Variants in IL1RAPL1 observed in about 807,000 individuals in gnomAD.
The protein encoded by IL1RAPL1 is interleukin 1 receptor accessory protein like 1.
Under a neutral mutation model 48.4 loss-of-function variants are expected in IL1RAPL1, and 3 were observed. The observed-to-expected ratio is 0.06, with a 90% CI of 0.03 to 0.16. The LOEUF (loss-of-function observed/expected upper bound fraction) is 0.16, where lower values mean the gene tolerates loss of function less well. IL1RAPL1 is among the 10% of genes least tolerant of loss of function. IL1RAPL1 has a pLI of 1.00. For synonymous variants in IL1RAPL1, 185 were observed against 187.7 expected (o/e 0.99, Z 0.12); for missense variants, 349 against 530.6 (o/e 0.66, Z 3.36).
At chrX:29,111,659 G>A (rs942295416) in intron 2 of IL1RAPL1, among the ~76,000 whole-genome samples, 1 of 111,341 alleles carries the variant, frequency 9.0e-6, no homozygotes, top group African/African-American at 3.3e-5. Context: ...AAACTTCAAG[G>A]CGATGCCATA....
chrX:29,274,008 A>G (rs1232444197), intron 2 of IL1RAPL1, among the ~76,000 whole-genome samples: 1 of 112,091 alleles, frequency 8.9e-6, no homozygotes, highest in Non-Finnish European at 1.9e-5. Flanking sequence ...GCTGGAAAAA[A>G]AACACATGCA....
Position 29,803,407 on chromosome X carries a change from GTA to G in IL1RAPL1, c.779-114053_779-114052del, listed in dbSNP as rs149695574. 4.6e-4 allele frequency among the ~76,000 whole-genome samples: 37 copies of G among 81,047 alleles called. 1 individual carries two copies. Among genetic ancestry groups the G allele is most frequent in the Admixed American group, 6.6e-4 (5 of 7,592 alleles). The allele number at this position is 81,047 out of a possible 115,157, so 70.4% of individuals were successfully genotyped here. On this transcript the variant is annotated intron_variant, in intron 6 of 10. Transcript: ENST00000378993. ...CATGTATACACATATGTATATATGT[GTA>G]TATGTGTATATGTGTATATATGTAT...
At chrX:28,776,662 GTCA>G (rs1208420527) in intron 1 of IL1RAPL1, among the ~76,000 whole-genome samples, 1 of 111,462 alleles carries the variant, frequency 9.0e-6, no homozygotes, top group African/African-American at 3.3e-5. Flanking sequence ...TTAAATTATT[GTCA>G]GTAGAAAACA....
At chrX:28,737,163 TTCCTTCCTTCCTTC>T (rs1569161810) in intron 1 of IL1RAPL1, among the ~76,000 whole-genome samples, 2,804 of 81,909 alleles carry the variant, frequency 0.034, 114 homozygotes, top group South Asian at 0.044. Flanking sequence ...CCTTCCTTCC[TTCCTTCCTTCCTTC>T]CTTTCTTTCC....
chrX:29,913,255 A>C (rs1215608403), intron 6 of IL1RAPL1, among the ~76,000 whole-genome samples: 3 of 110,137 alleles, frequency 2.7e-5, no homozygotes, highest in Non-Finnish European at 5.7e-5. Context: ...TAGCCGCACA[A>C]ATTTGTACAA....
intron 1 of IL1RAPL1, among the ~76,000 whole-genome samples, chrX:28,727,613 A>C (rs1375718861): frequency 1.9e-5 from 2 of 104,563 alleles, no homozygotes; most frequent in African/African-American, 7.0e-5. Flanking sequence ...GTCTTGTGCC[A>C]GTTTTCAGAG....
intron 3 of IL1RAPL1, among the ~76,000 whole-genome samples, chrX:29,396,019 T>C (rs1933915487): frequency 8.9e-6 from 1 of 112,585 alleles, no homozygotes; most frequent in African/African-American, 3.2e-5. Flanking sequence ...TTAACCTGAA[T>C]GTAAAACAAA....
intron 2 of IL1RAPL1, among the ~76,000 whole-genome samples, chrX:29,207,488 A>G (rs778770677): frequency 3.6e-5 from 4 of 112,098 alleles, no homozygotes; most frequent in Non-Finnish European, 5.6e-5. Flanking sequence ...TTCTTGCACT[A>G]TGTAGTATTT....
intron 3 of IL1RAPL1, among the ~76,000 whole-genome samples, chrX:29,339,253 T>A (rs1933041593): frequency 8.9e-6 from 1 of 112,119 alleles, no homozygotes; most frequent in Non-Finnish European, 1.9e-5. Context: ...TTTTGGCTAT[T>A]TGCTGTCATC....
At chrX:29,442,755 G>A (rs748659651) in intron 5 of IL1RAPL1, among the ~76,000 whole-genome samples, 2 of 109,424 alleles carry the variant, frequency 1.8e-5, no homozygotes, top group South Asian at 8.0e-4. Context: ...CTTCTCAGGA[G>A]GCTGAGGTAG....
Position 29,341,899 on chromosome X carries a change from C to T in IL1RAPL1, c.363-54359C>T, listed in dbSNP as rs182925598. ...TCGGCTCACGGCAACCTCTGCCTCCCGGGTTCAAGAGATTCTCCTACCTCA... is the reference window on the plus strand; with the variant it reads ...TCGGCTCACGGCAACCTCTGCCTCCTGGGTTCAAGAGATTCTCCTACCTCA... On this transcript the variant is annotated intron_variant, in intron 3 of 10. Coordinates refer to ENST00000378993, the MANE Select transcript of IL1RAPL1 (RefSeq NM_014271.4). Among the ~76,000 whole-genome samples, 326 of 110,691 alleles carry T rather than the reference C, an allele frequency of 2.9e-3. 2 individuals are homozygous for T. The highest frequency in any genetic ancestry group is 0.01 in the African/African-American group (308 of 30,391).
intron 6 of IL1RAPL1, among the ~76,000 whole-genome samples, chrX:29,790,912 A>G (rs1016290648): frequency 2.7e-5 from 3 of 111,979 alleles, no homozygotes; most frequent in Admixed American, 9.5e-5. Context: ...TAAGGCCAGT[A>G]TATATAACTG....
intron 3 of IL1RAPL1, among the ~76,000 whole-genome samples, chrX:29,361,556 C>G (rs73631656): frequency 9.9e-6 from 1 of 101,509 alleles, no homozygotes; most frequent in South Asian, 3.8e-4. Flanking sequence ...CACACACACA[C>G]ACACACACAC....
chrX:29,045,546 G>C (rs1177634969), intron 2 of IL1RAPL1, among the ~76,000 whole-genome samples: 4 of 111,725 alleles, frequency 3.6e-5, no homozygotes, highest in Non-Finnish European at 7.5e-5. Context: ...GCTCACTGTA[G>C]CCTCAATTTC....
chrX:29,655,023 C>G (rs1445595949), intron 5 of IL1RAPL1, among the ~76,000 whole-genome samples: 1 of 110,953 alleles, frequency 9.0e-6, no homozygotes, highest in Non-Finnish European at 1.9e-5. Flanking sequence ...GAATGCTTAC[C>G]TTTTTTCAGT....
chrX:29,133,729 T>G (rs907727872), intron 2 of IL1RAPL1, among the ~76,000 whole-genome samples: 1 of 111,913 alleles, frequency 8.9e-6, no homozygotes, highest in African/African-American at 3.2e-5. Context: ...TCACTTTTTG[T>G]GTTGTACAAT....
chrX:28,654,877 C>A (rs929270208), intron 1 of IL1RAPL1, among the ~76,000 whole-genome samples: 2 of 111,806 alleles, frequency 1.8e-5, no homozygotes, highest in African/African-American at 6.5e-5. Context: ...ACCCATACCA[C>A]TGGCTGAATA....
At chrX:28,606,799 A>C (rs1934089029) in intron 1 of IL1RAPL1, among the ~76,000 whole-genome samples, 1 of 111,580 alleles carries the variant, frequency 9.0e-6, no homozygotes, top group South Asian at 3.7e-4. Context: ...TTTAATGAAC[A>C]ACCAATTTTC....
chrX:28,944,798 A>G (rs1441217299), intron 2 of IL1RAPL1, among the ~76,000 whole-genome samples: 1 of 110,206 alleles, frequency 9.1e-6, no homozygotes, highest in East Asian at 2.9e-4. Flanking sequence ...AAGAAAAAAG[A>G]TCATTTTAAA....
Sources: gnomAD v4.1 joint callset for allele counts (sites outside exome capture counted in the v4.1 genomes callset) on GRCh38, gnomAD v4.1.1 for gene constraint, MANE v1.5 for transcripts, NCBI Gene and HGNC (gene_info 2026-07-23, HGNC 2026-07-21) for gene names.